Variants in SCHIP1 observed in about 807,000 individuals in gnomAD.
SCHIP1 encodes the protein schwannomin-interacting protein 1.
A neutral mutation model predicts 29.7 loss-of-function variants in SCHIP1; 8 were observed. That is an observed-to-expected ratio of 0.27 (90% CI 0.16 to 0.49). SCHIP1 has a LOEUF of 0.49. SCHIP1 is among the 20% of genes least tolerant of loss of function. The pLI, the probability that SCHIP1 is intolerant of heterozygous loss-of-function variation, is 0.99. For synonymous variants in SCHIP1, 76 were observed against 94.9 expected, an observed-to-expected ratio of 0.80 and a Z score of 1.16; for missense variants, 193 against 294.6, an observed-to-expected ratio of 0.66 and a Z score of 2.52.
At chr3:159,656,017 CAA>C in the SCHIP1 span, among the ~76,000 whole-genome samples, 2 of 152,168 alleles carry the variant, frequency 1.3e-5, no homozygotes, top group Non-Finnish European at 2.9e-5. Flanking sequence ...GTATTTCCAG[CAA>C]AGAGAACAGC....
chr3:159,278,301 G>T, the SCHIP1 span, among the ~76,000 whole-genome samples: 1 of 152,128 alleles, frequency 6.6e-6, no homozygotes, highest in African/African-American at 2.4e-5. Context: ...CCCCAGGTAG[G>T]TTTTATTTTA....
At chr3:159,529,173 G>A in the SCHIP1 span, among the ~76,000 whole-genome samples, 1 of 152,182 alleles carries the variant, frequency 6.6e-6, no homozygotes, top group Non-Finnish European at 1.5e-5. Flanking sequence ...AACCATAGAA[G>A]TAAAGGGATA....
chr3:159,541,037 A>G, the SCHIP1 span, among the ~76,000 whole-genome samples: 1 of 152,098 alleles, frequency 6.6e-6, no homozygotes, highest in South Asian at 2.1e-4. Flanking sequence ...ATGGAAACTC[A>G]TTAGTGTAAT....
At chr3:159,742,989 G>A in the SCHIP1 span, among the ~76,000 whole-genome samples, 1 of 151,872 alleles carries the variant, frequency 6.6e-6, no homozygotes, top group Non-Finnish European at 1.5e-5. Flanking sequence ...GCCGGGCCTT[G>A]GATACACTCT....
chr3:159,584,366 G>A, the SCHIP1 span, among the ~76,000 whole-genome samples: 45 of 152,222 alleles, frequency 3.0e-4, no homozygotes, highest in African/African-American at 8.7e-4. Flanking sequence ...CTGTGGAAAG[G>A]TTTCTAGTGC....
chr3:159,294,122 A>G, the SCHIP1 span, among the ~76,000 whole-genome samples: 10 of 152,146 alleles, frequency 6.6e-5, no homozygotes, highest in African/African-American at 2.4e-4. Flanking sequence ...CACAAACATG[A>G]TAAGGAGGTT....
the SCHIP1 span, among the ~76,000 whole-genome samples, chr3:159,281,801 A>T: frequency 1.3e-5 from 2 of 152,236 alleles, no homozygotes; most frequent in South Asian, 4.1e-4. Context: ...TAATGTGTAT[A>T]TTCATTTTAG....
At chr3:159,741,073 T>A in the SCHIP1 span, among the ~76,000 whole-genome samples, 6 of 152,182 alleles carry the variant, frequency 3.9e-5, no homozygotes, top group African/African-American at 1.4e-4. Flanking sequence ...GCTCTTAAGC[T>A]CCCTGAAGAG....
the SCHIP1 span, among the ~76,000 whole-genome samples, chr3:159,516,446 C>T: frequency 3.3e-5 from 5 of 152,178 alleles, no homozygotes; most frequent in Admixed American, 6.5e-5. Context: ...GCCTGTCAGA[C>T]TCGTGTTCAT....
intron 1 of SCHIP1, among the ~76,000 whole-genome samples, chr3:159,865,449 T>C (rs1714515394): frequency 6.6e-6 from 1 of 152,222 alleles, no homozygotes; most frequent in Non-Finnish European, 1.5e-5. Context: ...CAAATCCTTT[T>C]TCTATGCACA....
At chr3:159,868,421 T>C (rs1714896041) in intron 2 of SCHIP1, among the ~76,000 whole-genome samples, 1 of 152,142 alleles carries the variant, frequency 6.6e-6, no homozygotes, top group Admixed American at 6.6e-5. Context: ...AAGACTGTCA[T>C]CTCTTCTATT....
the SCHIP1 span, among the ~76,000 whole-genome samples, chr3:159,693,723 A>G: frequency 5.9e-5 from 9 of 152,226 alleles, no homozygotes; most frequent in African/African-American, 2.2e-4. Flanking sequence ...GCAAACAACA[A>G]TGAAAATTCT....
At chr3:159,309,764 G>A in the SCHIP1 span, among the ~76,000 whole-genome samples, 2 of 152,078 alleles carry the variant, frequency 1.3e-5, no homozygotes, top group South Asian at 4.1e-4. Flanking sequence ...CAAAACCTAA[G>A]CTTTAGTTCT....
chr3:159,363,066 G>A, the SCHIP1 span, among the ~76,000 whole-genome samples: 1 of 152,072 alleles, frequency 6.6e-6, no homozygotes, highest in Non-Finnish European at 1.5e-5. Context: ...ATTCCCAATG[G>A]CAACCCCTTT....
the SCHIP1 span, among the ~76,000 whole-genome samples, chr3:159,406,307 G>A: frequency 2.6e-5 from 4 of 152,160 alleles, no homozygotes; most frequent in African/African-American, 9.7e-5. Context: ...GCAGGAGAAG[G>A]TGGCATGACA....
At chr3:159,589,859 C>T in the SCHIP1 span, among the ~76,000 whole-genome samples, 1 of 133,658 alleles carries the variant, frequency 7.5e-6, no homozygotes, top group Non-Finnish European at 1.5e-5. Context: ...AACAAGTGAA[C>T]CAAAAAACCT....
At chr3:159,662,082 A>T in the SCHIP1 span, among the ~76,000 whole-genome samples, 2 of 151,998 alleles carry the variant, frequency 1.3e-5, 1 homozygote, top group South Asian at 4.2e-4. Context: ...ACCTGCTCTG[A>T]CCTAAGTCAC....
the SCHIP1 span, among the ~76,000 whole-genome samples, chr3:159,350,313 T>C: frequency 6.6e-6 from 1 of 152,196 alleles, no homozygotes; most frequent in Non-Finnish European, 1.5e-5. Context: ...ATATCTCATA[T>C]GGCATAGGCT....
At chr3:159,277,131 C>T in the SCHIP1 span, among the ~76,000 whole-genome samples, 553 of 152,232 alleles carry the variant, frequency 3.6e-3, 6 homozygotes, top group African/African-American at 0.013. Context: ...ATCTCTGACT[C>T]CTGTGCACCA....
Sources: allele counts gnomAD v4.1 joint callset (sites outside exome capture counted in the v4.1 genomes callset), GRCh38; gene constraint gnomAD v4.1.1; transcripts MANE v1.5; gene names NCBI Gene and HGNC (gene_info 2026-07-23, HGNC 2026-07-21).